Variants in BMPR2 observed in about 807,000 individuals in gnomAD.
The protein encoded by BMPR2 is bone morphogenetic protein receptor type 2.
In BMPR2, 29 loss-of-function variants were observed where a neutral mutation model predicts 100.8. The observed-to-expected ratio is 0.29, with a 90% CI of 0.21 to 0.39. BMPR2 has a LOEUF of 0.39. BMPR2 is among the 10% of genes least tolerant of loss of function. The pLI, the probability that BMPR2 is intolerant of heterozygous loss-of-function variation, is 1.00. For missense variants in BMPR2, 1,011 were observed against 1,274.5 expected (o/e 0.79, Z 3.15); for synonymous variants, 382 against 442.3 (o/e 0.86, Z 1.71).
intron 3 of BMPR2, among the ~76,000 whole-genome samples, chr2:202,490,542 T>C (rs570233596): frequency 3.3e-5 from 5 of 152,368 alleles, no homozygotes; most frequent in African/African-American, 9.6e-5. Flanking sequence ...TAAAAAATAC[T>C]TTTCTCACTC....
intron 1 of BMPR2, among the ~76,000 whole-genome samples, chr2:202,412,235 G>C (rs916401148): frequency 1.1e-4 from 16 of 152,250 alleles, no homozygotes; most frequent in South Asian, 4.1e-4. Flanking sequence ...GAATTCTTGA[G>C]ATAGTAAAAT....
chr2:202,377,534 G>A lies in BMPR2; in HGVS notation c.60G>A (p.Leu20=), dbSNP rs765376013. The change falls in exon 1 of 13, where the codon CTG becomes CTA. Residue 20 remains leucine, a synonymous_variant. Transcript: ENST00000374580. ...RVPWLPWTIL[L]VSTAAASQNQ... ...CCTGGCTACCATGGACCATCCTGCTGGTCAGCACTGCGGCTGGTGAGTAGC... is the reference window on the plus strand; with the variant it reads ...CCTGGCTACCATGGACCATCCTGCTAGTCAGCACTGCGGCTGGTGAGTAGC... 3 of 1,614,220 alleles carry A rather than the reference G, an allele frequency of 1.9e-6. No individual in the cohort carries two copies. The highest frequency in any genetic ancestry group is 2.5e-6 in the Non-Finnish European group (3 of 1,180,040).
intron 3 of BMPR2, among the ~76,000 whole-genome samples, chr2:202,492,417 C>T (rs1019014153): frequency 6.6e-6 from 1 of 151,758 alleles, no homozygotes; most frequent in Admixed American, 6.6e-5. Flanking sequence ...TCAGGATGGG[C>T]GGTTACAAGT....
At chr2:202,380,744 C>T (rs1400219413) in intron 1 of BMPR2, among the ~76,000 whole-genome samples, 5 of 150,704 alleles carry the variant, frequency 3.3e-5, no homozygotes, top group African/African-American at 4.9e-5. Context: ...CTCAGCCTCT[C>T]GGGTAGCTGG....
chr2:202,454,355 G>T (rs910601883), intron 1 of BMPR2, among the ~76,000 whole-genome samples: 1 of 152,138 alleles, frequency 6.6e-6, no homozygotes, highest in African/African-American at 2.4e-5. Flanking sequence ...ACTGGGGTGA[G>T]CCACTGCACC....
At chr2:202,523,022 A>C (rs185219995) in intron 7 of BMPR2, among the ~76,000 whole-genome samples, 157 of 152,338 alleles carry the variant, frequency 1.0e-3, no homozygotes, top group Non-Finnish European at 1.9e-3. Flanking sequence ...AAGGAACTTA[A>C]ACAATTGAAC....
intron 1 of BMPR2, among the ~76,000 whole-genome samples, chr2:202,421,310 G>GAAA (rs35984037): frequency 2.5e-4 from 24 of 94,878 alleles, no homozygotes; most frequent in African/African-American, 9.0e-4. Context: ...TCTCCAAAAG[G>GAAA]AAAAAAAAAA....
At chr2:202,529,318 G>A (rs1160563613) in intron 7 of BMPR2, among the ~76,000 whole-genome samples, 1 of 152,154 alleles carries the variant, frequency 6.6e-6, no homozygotes, top group African/African-American at 2.4e-5. Context: ...TCTGCCCAGG[G>A]CAAAATTATT....
intron 1 of BMPR2, among the ~76,000 whole-genome samples, chr2:202,405,513 C>T (rs1197451152): frequency 6.6e-6 from 1 of 151,656 alleles, no homozygotes; most frequent in East Asian, 1.9e-4. Context: ...ACGGTGAAAC[C>T]CCGTCTGTAC....
chr2:202,482,932 ACCT>A (rs1461319271), intron 3 of BMPR2, among the ~76,000 whole-genome samples: 2 of 152,006 alleles, frequency 1.3e-5, no homozygotes, highest in Admixed American at 1.3e-4. Context: ...TAATCCTCCC[ACCT>A]CAGCCTCCCA....
chr2:202,539,274 G>A (rs895016892), intron 9 of BMPR2, among the ~76,000 whole-genome samples: 1 of 152,150 alleles, frequency 6.6e-6, no homozygotes, highest in Non-Finnish European at 1.5e-5. Context: ...CAGAACTGAG[G>A]AATGATTTTT....
rs769529432 is a variant in BMPR2, at chr2:202,438,112, G to A, written c.77-26697G>A. ...GCGGATCACCTGAGGTTGGGAGTTC[G>A]AGACCACCCTGACCAACATGGAGAA... is the stretch of plus-strand genomic sequence containing the variant. On this transcript the variant is annotated intron_variant, in intron 1 of 12. Coordinates refer to ENST00000374580, the MANE Select transcript of BMPR2 (RefSeq NM_001204.7). Among the ~76,000 whole-genome samples, 31 of 149,850 alleles carry A rather than the reference G, an allele frequency of 2.1e-4. 1 individual carries two copies. Among genetic ancestry groups the A allele is most frequent in the Middle Eastern group, 3.2e-3 (1 of 316 alleles).
chr2:202,472,915 G>T (rs1383497344), intron 3 of BMPR2, among the ~76,000 whole-genome samples: 1 of 152,212 alleles, frequency 6.6e-6, no homozygotes, highest in East Asian at 1.9e-4. Flanking sequence ...ATTGAGTGAA[G>T]TTAAAGTTGG....
At chr2:202,485,545 C>CTTTTGTTTTTTTTTTTTT (rs1692756804) in intron 3 of BMPR2, among the ~76,000 whole-genome samples, 1 of 64,010 alleles carries the variant, frequency 1.6e-5, no homozygotes, top group Non-Finnish European at 2.7e-5. Context: ...TTGCCTTTAT[C>CTTTTGTTTTTTTTTTTTT]TTTTTTTTTT....
intron 1 of BMPR2, among the ~76,000 whole-genome samples, chr2:202,449,247 GC>G (rs1691925142): frequency 6.6e-6 from 1 of 151,788 alleles, no homozygotes. Context: ...GGTGGAGGTT[GC>G]AGTGAGCCAA....
rs138065331 is a variant in BMPR2, at chr2:202,557,464, AACACACACACACACACAC to A, written c.2866+967_2866+984del. On this transcript the variant is annotated intron_variant, in intron 12 of 12. Transcript: ENST00000374580. Reference sequence around the variant, plus strand: ...GGTGACAGAATGAAACTCTGTCTCAAACACACACACACACACACACACACACACACACACACACACACA... The same window carrying A: ...GGTGACAGAATGAAACTCTGTCTCAAACACACACACACACACACACACACA... 1.1e-3 allele frequency among the ~76,000 whole-genome samples: 139 copies of A among 125,446 alleles called. 1 individual carries two copies. The South Asian group carries it at 0.02, about 18-fold the overall frequency. The allele number at this position is 125,446 out of a possible 152,430, so 82.3% of individuals were successfully genotyped here.
chr2:202,416,066 GTTAAAATATCAGT>G (rs1480157122), intron 1 of BMPR2, among the ~76,000 whole-genome samples: 1 of 152,178 alleles, frequency 6.6e-6, no homozygotes, highest in Non-Finnish European at 1.5e-5. Context: ...ATGGGAGGAG[GTTAAAATATCAGT>G]ACTAACAGGA....
intron 2 of BMPR2, among the ~76,000 whole-genome samples, chr2:202,466,523 T>G (rs1485796182): frequency 2.0e-5 from 3 of 152,136 alleles, no homozygotes; most frequent in Non-Finnish European, 4.4e-5. Context: ...CTGACCCTCA[T>G]GATCCGCCCA....
At chr2:202,450,093 G>T (rs1457979087) in intron 1 of BMPR2, among the ~76,000 whole-genome samples, 1 of 151,902 alleles carries the variant, frequency 6.6e-6, no homozygotes, top group Admixed American at 6.5e-5. Flanking sequence ...CTGGGCAACA[G>T]AGCGAGACTC....
Sources: allele counts gnomAD v4.1 joint callset (sites outside exome capture counted in the v4.1 genomes callset), GRCh38; gene constraint gnomAD v4.1.1; transcripts MANE v1.5; gene names NCBI Gene and HGNC (gene_info 2026-07-23, HGNC 2026-07-21).